The following CADM2 variants were observed in gnomAD, a reference collection of about 807,000 sequenced individuals.
CADM2 encodes immunoglobulin superfamily member 4D.
In CADM2, 12 loss-of-function variants were observed where a neutral mutation model predicts 49.8. The ratio of observed to expected loss-of-function variants is 0.24; its 90% CI spans 0.15 to 0.39. CADM2 has a LOEUF of 0.39. CADM2 is among the 10% of genes least tolerant of loss of function. The pLI is 1.00. For synonymous variants in CADM2, 214 were observed against 175.4 expected, an observed-to-expected ratio of 1.22 and a Z score of -1.74; for missense variants, 378 against 492.3, an observed-to-expected ratio of 0.77 and a Z score of 2.20.
At chr3:85,059,628 G>C (rs1308035085) in intron 1 of CADM2, among the ~76,000 whole-genome samples, 2 of 151,996 alleles carry the variant, frequency 1.3e-5, no homozygotes, top group Non-Finnish European at 2.9e-5. Flanking sequence ...GAACTATGAG[G>C]GTGAGTCTTT....
At chr3:85,973,277 A>G (rs891011427) in intron 8 of CADM2, among the ~76,000 whole-genome samples, 1 of 151,706 alleles carries the variant, frequency 6.6e-6, no homozygotes, top group Non-Finnish European at 1.5e-5. Flanking sequence ...TGAGGCAGAA[A>G]GATCGTTTGA....
At chr3:85,130,441 C>T (rs1170992440) in intron 1 of CADM2, among the ~76,000 whole-genome samples, 2 of 152,142 alleles carry the variant, frequency 1.3e-5, no homozygotes, top group African/African-American at 4.8e-5. Flanking sequence ...GTGAAATCTT[C>T]AAACAATCTT....
chr3:85,803,492 G>GATACATAA (rs1387392971), intron 3 of CADM2, among the ~76,000 whole-genome samples: 4 of 123,180 alleles, frequency 3.2e-5, no homozygotes, highest in Non-Finnish European at 6.9e-5. Context: ...CAGATAGATA[G>GATACATAA]ATAGATAAAT....
chr3:85,215,456 G>A (rs957225718), intron 1 of CADM2, among the ~76,000 whole-genome samples: 1 of 151,506 alleles, frequency 6.6e-6, no homozygotes, highest in Non-Finnish European at 1.5e-5. Context: ...GTCATGGGAG[G>A]TTGAAGTCCT....
chr3:85,979,527 G>A (rs986642574), intron 8 of CADM2, among the ~76,000 whole-genome samples: 2 of 151,502 alleles, frequency 1.3e-5, no homozygotes, highest in Non-Finnish European at 1.5e-5. Flanking sequence ...TAAAATATAT[G>A]GGACTTTAAA....
chr3:85,263,940 T>C (rs1271419543), intron 1 of CADM2, among the ~76,000 whole-genome samples: 1 of 152,116 alleles, frequency 6.6e-6, no homozygotes, highest in Admixed American at 6.6e-5. Flanking sequence ...TATTAGTATG[T>C]CTTATTTCTC....
intron 1 of CADM2, among the ~76,000 whole-genome samples, chr3:85,183,975 C>T (rs2040994309): frequency 6.6e-6 from 1 of 151,940 alleles, no homozygotes; most frequent in African/African-American, 2.4e-5. Context: ...AGTTATATAG[C>T]AAAATGACAT....
At chr3:85,205,504 T>C (rs928778344) in intron 1 of CADM2, among the ~76,000 whole-genome samples, 3 of 152,148 alleles carry the variant, frequency 2.0e-5, no homozygotes, top group African/African-American at 7.2e-5. Flanking sequence ...AGTGAATTTT[T>C]ACATCGAGAT....
At chr3:85,134,706 C>A (rs1023176250) in intron 1 of CADM2, among the ~76,000 whole-genome samples, 3 of 151,908 alleles carry the variant, frequency 2.0e-5, no homozygotes, top group Non-Finnish European at 4.4e-5. Context: ...CACAGCTAAT[C>A]GATTGTCCAC....
intron 1 of CADM2, among the ~76,000 whole-genome samples, chr3:85,464,232 A>G (rs751908573): frequency 1.3e-5 from 2 of 152,106 alleles, no homozygotes; most frequent in African/African-American, 2.4e-5. Context: ...TCGAAATATG[A>G]TTATATATTT....
intron 8 of CADM2, among the ~76,000 whole-genome samples, chr3:86,011,578 T>C (rs981066891): frequency 3.3e-5 from 5 of 151,790 alleles, no homozygotes; most frequent in Admixed American, 6.6e-5. Flanking sequence ...AAAAGAGAGA[T>C]GGAGAAGAAG....
chr3:85,751,290 G>A (rs1198425417), intron 2 of CADM2, among the ~76,000 whole-genome samples: 1 of 152,078 alleles, frequency 6.6e-6, no homozygotes, highest in Non-Finnish European at 1.5e-5. Flanking sequence ...CCAGTTGTAG[G>A]TTGAGCTTCA....
At chr3:85,845,534 A>G (rs2108275730) in intron 3 of CADM2, among the ~76,000 whole-genome samples, 1 of 152,270 alleles carries the variant, frequency 6.6e-6, no homozygotes, top group South Asian at 2.1e-4. Context: ...TTCATTCATG[A>G]ACAATCTCTG....
intron 6 of CADM2, among the ~76,000 whole-genome samples, chr3:85,913,127 C>T (rs1028568047): frequency 8.5e-5 from 13 of 152,148 alleles, no homozygotes; most frequent in South Asian, 6.2e-4. Context: ...TACTCATTTA[C>T]GAATAGTAGC....
chr3:85,163,107 CAT>C (rs1464043241), intron 1 of CADM2, among the ~76,000 whole-genome samples: 2 of 151,982 alleles, frequency 1.3e-5, no homozygotes, highest in East Asian at 1.9e-4. Context: ...CATGTTATTA[CAT>C]GTCATATTCA....
chr3:85,213,508 G>C (rs2041852229), intron 1 of CADM2, among the ~76,000 whole-genome samples: 4 of 151,938 alleles, frequency 2.6e-5, no homozygotes, highest in Admixed American at 2.0e-4. Context: ...CTTCATCCTT[G>C]ACCTTTGAGA....
chr3:85,252,924 C>A (rs1275920807), intron 1 of CADM2, among the ~76,000 whole-genome samples: 1 of 151,948 alleles, frequency 6.6e-6, no homozygotes, highest in Non-Finnish European at 1.5e-5. Context: ...CAGAACTTTG[C>A]AAATTGTATG....
chr3:85,195,316 A>T (rs926612445), intron 1 of CADM2, among the ~76,000 whole-genome samples: 2 of 152,008 alleles, frequency 1.3e-5, no homozygotes, highest in African/African-American at 4.8e-5. Flanking sequence ...GCCTCTCATT[A>T]GTCAAAATTG....
At chr3:85,675,386 G>C (rs1232238432) in intron 1 of CADM2, among the ~76,000 whole-genome samples, 1 of 152,096 alleles carries the variant, frequency 6.6e-6, no homozygotes, top group African/African-American at 2.4e-5. Flanking sequence ...TTTAAATGTA[G>C]CTATTCTGTT....
Sources: allele counts gnomAD v4.1 joint callset (sites outside exome capture counted in the v4.1 genomes callset), GRCh38; gene constraint gnomAD v4.1.1; transcripts MANE v1.5; gene names NCBI Gene and HGNC (gene_info 2026-07-23, HGNC 2026-07-21).